Variants in PHC1 observed in about 807,000 individuals in gnomAD.
The protein encoded by PHC1 is polyhomeotic-like protein 1.
PHC1 carries 12 observed loss-of-function variants against 104.3 expected under a neutral mutation model. That is an observed-to-expected ratio of 0.12 (90% CI 0.07 to 0.19). The LOEUF is 0.19. PHC1 is among the 10% of genes least tolerant of loss of function. PHC1 has a pLI of 1.00. For synonymous variants in PHC1, 302 were observed against 455.8 expected (o/e 0.66, Z 4.30); for missense variants, 671 against 1,200.0 (o/e 0.56, Z 6.51).
At chr12:8,916,277 C>T (rs1442798056) in intron 1 of PHC1, among the ~76,000 whole-genome samples, 1 of 152,154 alleles carries the variant, frequency 6.6e-6, no homozygotes, top group Non-Finnish European at 1.5e-5. Flanking sequence ...GAAATATCCT[C>T]AGCTTTATTG....
chr12:8,919,771 C>T lies in PHC1; in HGVS notation c.130C>T (p.Gln44Ter). ...CTTTTCCTAGGCTCTGCAAGCACTG[C>T]AGCGGCAGCCCAATGCAGCTCAGTA... ...RQAVQALQAL[Q>*]RQPNAAQYFH... The change falls in exon 3 of 15, where the codon CAG (glutamine) becomes TAG (stop). Residue 44 changes from glutamine to a stop codon, truncating the protein, a stop_gained. Coordinates refer to ENST00000544916, the MANE Select transcript of PHC1 (RefSeq NM_004426.3). LOFTEE classifies it high-confidence loss of function. This position sits in a 1 kb window ranked among gnomAD's most constrained non-coding sequence, Gnocchi z 4.9. 2 of 1,612,460 alleles carry T rather than the reference C, an allele frequency of 1.2e-6. No individual in the cohort carries two copies. Among genetic ancestry groups the T allele is most frequent in the Non-Finnish European group, 1.7e-6 (2 of 1,179,608 alleles).
At chr12:8,936,796 T>C (rs1056060945) in intron 11 of PHC1, 60 bp from the exon 12 acceptor site, 2 of 1,045,138 alleles carry the variant, frequency 1.9e-6, no homozygotes, top group Non-Finnish European at 1.5e-6. Context: ...CTGAGCCTAA[T>C]GATTGCCTGA....
intron 6 of PHC1, among the ~76,000 whole-genome samples, chr12:8,930,057 G>C (rs1334874966): frequency 6.6e-6 from 1 of 152,180 alleles, no homozygotes. Context: ...GTAGTAGAAA[G>C]TAATCATTAA....
intron 7 of PHC1, 76 bp downstream of exon 7, chr12:8,931,003 T>C: frequency 2.0e-6 from 3 of 1,473,230 alleles, no homozygotes; most frequent in Non-Finnish European, 2.7e-6. Flanking sequence ...TTTTGCCTTT[T>C]TTTCTTTGCC....
At chr12:8,937,796 C>A in intron 13 of PHC1, 33 bp from the exon 14 acceptor site, 1 of 1,544,314 alleles carries the variant, frequency 6.5e-7, no homozygotes, top group Non-Finnish European at 8.9e-7. Flanking sequence ...ACCTTTGACA[C>A]TGACCTCATT....
intron 1 of PHC1, chr12:8,915,358 T>G (rs555207509): frequency 1.3e-5 from 2 of 152,410 alleles, no homozygotes; most frequent in Middle Eastern, 6.8e-3. Context: ...TTCTCTTGAT[T>G]ATTACCGTGT....
Position 8,932,553 on chromosome 12 carries a change from G to T in PHC1, c.1106-10G>T, listed in dbSNP as rs1945717143. On this transcript the variant is annotated splice_polypyrimidine_tract_variant and intron_variant, in intron 7 of 14. Coordinates refer to ENST00000544916, the MANE Select transcript of PHC1 (RefSeq NM_004426.3). Reference sequence around the variant, plus strand: ...TTTCTCTCTGTTGTATTCTGGGATTGTTCCTATAGCCACCTACACACAGAT... The same window carrying T: ...TTTCTCTCTGTTGTATTCTGGGATTTTTCCTATAGCCACCTACACACAGAT... 1 of 1,612,220 alleles carries T rather than the reference G, an allele frequency of 6.2e-7. No homozygotes were observed. Among genetic ancestry groups the T allele is most frequent in the Non-Finnish European group, 8.5e-7 (1 of 1,178,522 alleles).
upstream of PHC1, among the ~76,000 whole-genome samples, chr12:8,914,140 CA>C (rs1945125411): frequency 2.0e-5 from 3 of 152,070 alleles, no homozygotes; most frequent in Admixed American, 1.3e-4. Flanking sequence ...TTATTCCCAG[CA>C]GCTCCAGAAA....
rs146084166 is a variant in PHC1, at chr12:8,921,665, G to A, written c.371G>A (p.Ser124Asn). ...CGATCCCAGAGTGTGAGCTCTCCCA[G>A]TGCTACCACCTTGACCCAATCTGTG... The part of the protein sequence containing the change: ...ISRSQSVSSP[S>N]ATTLTQSVLL... The change falls in exon 5 of 15, where the codon AGT becomes AAT. Residue 124 changes from serine to asparagine, a missense_variant. Physicochemically the swap from Ser to Asn is conservative, Grantham distance 46 (BLOSUM62 1). Coordinates refer to ENST00000544916, the MANE Select transcript of PHC1 (RefSeq NM_004426.3). 1.4e-5 allele frequency: 22 copies of A among 1,613,294 alleles called. No homozygotes were observed. In the African/African-American group the frequency reaches 2.7e-4, roughly 20 times the overall value.
intron 5 of PHC1, 99 bp from the exon 6 acceptor site, chr12:8,922,534 A>G (rs776716585): frequency 3.1e-5 from 33 of 1,050,984 alleles, no homozygotes; most frequent in Non-Finnish European, 4.0e-5. Context: ...GCTGTTTAAT[A>G]TCTTCTGTTT....
Position 8,926,680 on chromosome 12 carries a change from C to T in PHC1, c.613-3755C>T, listed in dbSNP as rs12321827. Among the ~76,000 whole-genome samples the T allele has an allele frequency of 6.7e-3, 1,020 of 152,082 alleles. 13 individuals carry two copies. The highest frequency in any genetic ancestry group is 0.024 in the African/African-American group (984 of 41,460). ...ATCCCAGCACTTTGGGAGGCTGAGG[C>T]GGGTGGATCACCCGAGGTCAGGAGT... On this transcript the variant is annotated intron_variant, in intron 6 of 14. Transcript: ENST00000544916.
chr12:8,917,884 C>T, intron 2 of PHC1, 93 bp downstream of exon 2: 1 of 682,838 alleles, frequency 1.5e-6, no homozygotes, highest in Non-Finnish European at 2.5e-6. Flanking sequence ...TCTTTTTCAA[C>T]AAACTGGGGA....
At chr12:8,932,078 G>T (rs1057432863) in intron 7 of PHC1, among the ~76,000 whole-genome samples, 5 of 152,170 alleles carry the variant, frequency 3.3e-5, no homozygotes, top group Non-Finnish European at 7.3e-5. Context: ...GTGGGAAGAC[G>T]TTGACATCTT....
chr12:8,923,821 C>T (rs1188793814), intron 6 of PHC1, among the ~76,000 whole-genome samples: 3 of 106,926 alleles, frequency 2.8e-5, no homozygotes, highest in African/African-American at 9.6e-5. Flanking sequence ...CAGAGCGAGA[C>T]TCCGTCTCAA....
In PHC1 at chr12:8,939,333, C is replaced by T; in HGVS notation, c.2889C>T (p.Arg963=). 6.2e-7 allele frequency: 1 copy of T among 1,613,996 alleles called. No individual in the cohort carries two copies. The highest frequency in any genetic ancestry group is 8.5e-7 in the Non-Finnish European group (1 of 1,179,978). Residue 963 remains arginine, a synonymous_variant, in exon 15 of 15, where the codon CGC becomes CGT. Transcript: ENST00000544916. ...QGCQEIAEEF[R]SQEIDGQALL... ...GCCAAGAGATTGCAGAGGAATTTCG[C>T]TCACAGGAGATTGATGGACAGGCCC...
At chr12:8,928,903 A>G (rs1345070762) in intron 6 of PHC1, among the ~76,000 whole-genome samples, 2 of 152,136 alleles carry the variant, frequency 1.3e-5, no homozygotes, top group Non-Finnish European at 2.9e-5. Context: ...ATTCCATTGT[A>G]TGAATATACT....
At chr12:8,937,006 T>TC (rs765335600) in intron 12 of PHC1, 42 bp downstream of exon 12, 2 of 1,442,166 alleles carry the variant, frequency 1.4e-6, no homozygotes, top group South Asian at 2.3e-5. Flanking sequence ...CACTGGTATC[T>TC]CCATCTAATG....
At position 8,919,979 on chromosome 12, in the gene PHC1, T is replaced by G; in HGVS notation, c.225+113T>G. On this transcript the variant is annotated intron_variant, in intron 3 of 14. Transcript: ENST00000544916. The surrounding 1 kb of genome is among the most constrained non-coding windows in gnomAD (Gnocchi z 4.9). ...ATACTAAGCCAGGCTGCAGACAGCCTCCTCCGCCTCCTGTCCTTCTGTGGG... is the reference window on the plus strand; with the variant it reads ...ATACTAAGCCAGGCTGCAGACAGCCGCCTCCGCCTCCTGTCCTTCTGTGGG... 8.2e-6 allele frequency: 12 copies of G among 1,463,410 alleles called. No homozygotes were observed. Among genetic ancestry groups the G allele is most frequent in the Non-Finnish European group, 9.3e-6 (10 of 1,076,510 alleles). The allele number at this position is 1,463,410 out of a possible 1,614,324, so 90.7% of individuals were successfully genotyped here.
chr12:8,938,284 G>T (rs1057260754), intron 14 of PHC1, among the ~76,000 whole-genome samples: 1 of 152,124 alleles, frequency 6.6e-6, no homozygotes, highest in Admixed American at 6.5e-5. Flanking sequence ...ATCTTATGAT[G>T]TAGCTGCATT....
Sources: gnomAD v4.1 joint callset for allele counts (sites outside exome capture counted in the v4.1 genomes callset) on GRCh38, gnomAD v4.1.1 for gene constraint, Gnocchi (gnomAD v3.1) non-coding constraint, MANE v1.5 for transcripts, NCBI Gene and HGNC (gene_info 2026-07-23, HGNC 2026-07-21) for gene names.